Variants in CCDC192 observed in about 807,000 individuals in gnomAD.
The protein encoded by CCDC192 is coiled-coil domain containing 192, also known as coiled-coil domain-containing protein 192.
chr5:127,747,448 A>G (rs71587951), intron 2 of CCDC192, among the ~76,000 whole-genome samples: 48,850 of 151,798 alleles, frequency 0.32, 8,696 homozygotes, highest in Middle Eastern at 0.41. Context: ...ATCATTTTTT[A>G]TGGCTGCATA....
At chr5:127,712,479 T>C (rs1229621940) in intron 2 of CCDC192, among the ~76,000 whole-genome samples, 7 of 152,236 alleles carry the variant, frequency 4.6e-5, no homozygotes, top group African/African-American at 1.7e-4. Context: ...ACATTCCTGT[T>C]CCTTCCACCA....
At chr5:127,807,180 A>G (rs564071398) in intron 5 of CCDC192, among the ~76,000 whole-genome samples, 1 of 152,350 alleles carries the variant, frequency 6.6e-6, no homozygotes, top group South Asian at 2.1e-4. Flanking sequence ...AAATCTATTA[A>G]CAGGTTATTC....
chr5:127,824,556 C>A (rs1303255382), intron 5 of CCDC192, among the ~76,000 whole-genome samples: 1 of 152,186 alleles, frequency 6.6e-6, no homozygotes, highest in Non-Finnish European at 1.5e-5. Flanking sequence ...GAATGGAGTG[C>A]TTTCTGAGCA....
chr5:127,811,712 T>C (rs1758093785), intron 5 of CCDC192, among the ~76,000 whole-genome samples: 1 of 152,160 alleles, frequency 6.6e-6, no homozygotes, highest in African/African-American at 2.4e-5. Flanking sequence ...AAGTTTATTA[T>C]CATCAGATTT....
chr5:127,726,749 C>T (rs1347192377), intron 2 of CCDC192, among the ~76,000 whole-genome samples: 5 of 152,158 alleles, frequency 3.3e-5, no homozygotes, highest in South Asian at 4.1e-4. Context: ...CAGGGGTTTA[C>T]GGACAGAGCT....
At chr5:127,842,457 A>G (rs757527080) in intron 5 of CCDC192, among the ~76,000 whole-genome samples, 3 of 152,040 alleles carry the variant, frequency 2.0e-5, no homozygotes, top group Non-Finnish European at 4.4e-5. Flanking sequence ...GGCTCAAGCA[A>G]TCCTCCCACC....
chr5:127,797,731 GTATATATATATATATATATATATATATA>G (rs146458343), intron 4 of CCDC192, among the ~76,000 whole-genome samples: 9 of 21,078 alleles, frequency 4.3e-4, no homozygotes, highest in African/African-American at 1.3e-3. Context: ...TCATGTGAAG[GTATATATATATATATATATATATATATA>G]TATATATATA....
At chr5:127,938,659 T>C (rs1223321415) in intron 6 of CCDC192, among the ~76,000 whole-genome samples, 2 of 152,264 alleles carry the variant, frequency 1.3e-5, no homozygotes, top group African/African-American at 2.4e-5. Flanking sequence ...CTAAATATTA[T>C]CATTTTAATG....
chr5:127,755,631 T>A (rs1358096391), intron 3 of CCDC192, among the ~76,000 whole-genome samples: 2 of 146,540 alleles, frequency 1.4e-5, no homozygotes, highest in Admixed American at 1.4e-4. Flanking sequence ...TGTGGCAAAA[T>A]TAAGAATTAC....
intron 2 of CCDC192, among the ~76,000 whole-genome samples, chr5:127,745,829 C>G (rs566933779): frequency 6.6e-6 from 1 of 152,182 alleles, no homozygotes; most frequent in Non-Finnish European, 1.5e-5. Context: ...TGTGTCCACA[C>G]GTACCTGGAA....
chr5:127,837,539 CA>C (rs1750077664), intron 5 of CCDC192, among the ~76,000 whole-genome samples: 2 of 18,402 alleles, frequency 1.1e-4, no homozygotes, highest in Non-Finnish European at 1.6e-4. Context: ...GATTATGATT[CA>C]ATATGAGATT....
chr5:127,739,185 T>A (rs1561457414), intron 2 of CCDC192, among the ~76,000 whole-genome samples: 2 of 152,078 alleles, frequency 1.3e-5, no homozygotes. Context: ...TGGAATACCC[T>A]GCCGTGTGAG....
rs189448542 is a variant in CCDC192, at chr5:127,926,847, G to A, written c.536-14335G>A. Among the ~76,000 whole-genome samples the A allele has an allele frequency of 4.6e-5, 7 of 152,244 alleles. No individual in the cohort carries two copies. In the East Asian group the frequency reaches 1.2e-3, roughly 25 times the overall value. ...GGGAAAAGAAAGTTTAAGACCAGGA[G>A]TTTAAGAATCTCCATGCAGTAATTA... On this transcript the variant is annotated intron_variant, in intron 6 of 6. Transcript: ENST00000514853.
At chr5:127,774,440 A>G (rs560977283) in intron 3 of CCDC192, among the ~76,000 whole-genome samples, 98 of 152,346 alleles carry the variant, frequency 6.4e-4, no homozygotes, top group African/African-American at 2.3e-3. Flanking sequence ...ATGAAGTAAC[A>G]TAGGGGTCCA....
intron 5 of CCDC192, among the ~76,000 whole-genome samples, chr5:127,868,993 G>A (rs1751731574): frequency 6.6e-6 from 1 of 152,116 alleles, no homozygotes; most frequent in Non-Finnish European, 1.5e-5. Flanking sequence ...CCTAAAAATA[G>A]GATTTATAAT....
At chr5:127,885,338 A>C (rs1224898509) in intron 6 of CCDC192, among the ~76,000 whole-genome samples, 2 of 152,240 alleles carry the variant, frequency 1.3e-5, no homozygotes. Flanking sequence ...ACTTCCTTCC[A>C]GGATATTTGC....
At chr5:127,802,749 C>T (rs1757572905) in intron 5 of CCDC192, among the ~76,000 whole-genome samples, 1 of 152,186 alleles carries the variant, frequency 6.6e-6, no homozygotes, top group South Asian at 2.1e-4. Context: ...CTTTATTCCT[C>T]CCACAGTGTC....
chr5:127,804,047 T>C (rs1242866332), intron 5 of CCDC192, among the ~76,000 whole-genome samples: 1 of 151,862 alleles, frequency 6.6e-6, no homozygotes, highest in African/African-American at 2.4e-5. Context: ...AGGACGGGGG[T>C]CTCCCAAAAT....
chr5:127,910,246 C>G (rs1306013867), intron 6 of CCDC192, among the ~76,000 whole-genome samples: 1 of 152,166 alleles, frequency 6.6e-6, no homozygotes, highest in Non-Finnish European at 1.5e-5. Context: ...AATCCTCTAT[C>G]AACCTTTAAA....
Sources: allele counts gnomAD v4.1 joint callset (sites outside exome capture counted in the v4.1 genomes callset), GRCh38; gene constraint gnomAD v4.1.1; transcripts MANE v1.5; gene names NCBI Gene and HGNC (gene_info 2026-07-23, HGNC 2026-07-21).